Variants in ZBTB20 observed in about 807,000 individuals in gnomAD.
ZBTB20 encodes zinc finger and BTB domain containing 20, also known as zinc finger and BTB domain-containing protein 20.
ZBTB20 carries 9 observed loss-of-function variants against 56.9 expected under a neutral mutation model. The observed-to-expected ratio is 0.16, with a 90% confidence interval of 0.10 to 0.28. ZBTB20 has a LOEUF of 0.28. ZBTB20 is among the 10% of genes least tolerant of loss of function. The probability of loss-of-function intolerance (pLI) is 1.00; values close to 1 mark genes in which losing one functional copy is unlikely to be tolerated. For synonymous variants in ZBTB20, 417 were observed against 420.7 expected, an observed-to-expected ratio of 0.99 and a Z score of 0.11; for missense variants, 655 against 1,003.0, an observed-to-expected ratio of 0.65 and a Z score of 4.69.
At chr3:114,671,714 G>A (rs758390608) in intron 6 of ZBTB20, among the ~76,000 whole-genome samples, 7 of 151,848 alleles carry the variant, frequency 4.6e-5, no homozygotes, top group Non-Finnish European at 1.0e-4. Flanking sequence ...AGAGGCAGAA[G>A]ATAATTTCCA....
chr3:114,880,037 T>C (rs1325933174), intron 4 of ZBTB20, among the ~76,000 whole-genome samples: 3 of 152,250 alleles, frequency 2.0e-5, no homozygotes, highest in Non-Finnish European at 4.4e-5. Flanking sequence ...ACTCCAGGTG[T>C]GCATTTGCCA....
chr3:114,592,516 GA>G (rs1218356061), intron 6 of ZBTB20, among the ~76,000 whole-genome samples: 1 of 152,152 alleles, frequency 6.6e-6, no homozygotes, highest in Non-Finnish European at 1.5e-5. Flanking sequence ...CCTTTTGGCA[GA>G]AAAGAGACAA....
At chr3:114,357,973 T>C (rs1465404082) in intron 10 of ZBTB20, among the ~76,000 whole-genome samples, 1 of 152,236 alleles carries the variant, frequency 6.6e-6, no homozygotes, top group African/African-American at 2.4e-5. Flanking sequence ...ATCTGGATTA[T>C]GACAGACATA....
rs572574364 is a variant in ZBTB20, at chr3:114,750,838, TC to T, written c.-343+50262del. Among the ~76,000 whole-genome samples, 51 of 152,322 alleles carry T rather than the reference TC, an allele frequency of 3.3e-4. No homozygotes were observed. In the East Asian group the frequency reaches 7.1e-3, roughly 21 times the overall value. On this transcript the variant is annotated intron_variant, in intron 5 of 11. Coordinates refer to ENST00000675478, the MANE Select transcript of ZBTB20 (RefSeq NM_001348800.3). ...CAAAATAGGGGTCACCTAAGAGTTT[TC>T]CAAGTTAATTCCCTTTGTCTACTCT... is the stretch of plus-strand genomic sequence containing the variant.
chr3:114,646,562 C>T lies in ZBTB20; in HGVS notation c.-295+46966G>A, dbSNP rs186134288. On this transcript the variant is annotated intron_variant, in intron 6 of 11. Coordinates refer to ENST00000675478, the MANE Select transcript of ZBTB20 (RefSeq NM_001348800.3). ...ATAAAATAAGCCAAAAAAAATCTCT[C>T]TCTTCCAGCTCATTGTATATTGGAG... Among the ~76,000 whole-genome samples, 745 of 152,318 alleles carry T rather than the reference C, an allele frequency of 4.9e-3. 1 individual carries two copies. The highest frequency in any genetic ancestry group is 8.3e-3 in the Non-Finnish European group (563 of 68,030).
intron 3 of ZBTB20, among the ~76,000 whole-genome samples, chr3:114,926,428 T>C (rs2076160527): frequency 6.6e-6 from 1 of 152,220 alleles, no homozygotes; most frequent in Non-Finnish European, 1.5e-5. Context: ...GCTGGTTGTT[T>C]TTTTGGAAGT....
At chr3:114,467,050 G>A (rs1180354734) in intron 7 of ZBTB20, among the ~76,000 whole-genome samples, 1 of 152,174 alleles carries the variant, frequency 6.6e-6, no homozygotes, top group African/African-American at 2.4e-5. Flanking sequence ...TAGGTTTTAG[G>A]CAAGGGAAAC....
rs2693040 is a variant in ZBTB20 at position 114,331,324 on chromosome 3, C to G, written c.*7681G>C. 25 of 152,322 alleles carry G rather than the reference C, an allele frequency of 1.6e-4. No homozygotes were observed. The highest frequency in any genetic ancestry group is 6.0e-4 in the African/African-American group (25 of 41,554). 9.4% of individuals were successfully genotyped at this position (152,322 alleles called of 1,614,324 possible). ...CACCAGTTGAAGACTTCTGTTATAC[C>G]TTATTATGGAGGAAAACAGCCTGTC... On this transcript the variant is annotated 3_prime_UTR_variant, in exon 12 of 12. Coordinates refer to ENST00000675478, the MANE Select transcript of ZBTB20 (RefSeq NM_001348800.3).
At chr3:114,532,535 G>A (rs1428707976) in intron 6 of ZBTB20, among the ~76,000 whole-genome samples, 11 of 152,184 alleles carry the variant, frequency 7.2e-5, no homozygotes, top group Admixed American at 4.6e-4. Flanking sequence ...CAGAGCACCT[G>A]GGGGAAGGGG....
rs139575992 is a variant in ZBTB20, at chr3:114,479,885, G to A, written c.-255+20467C>T. ...ATACTCTCAGCTAAGTAAGAATTGA[G>A]TGAGACAACAATAAAACAAATACCC... On this transcript the variant is annotated intron_variant, in intron 7 of 11. Coordinates refer to ENST00000675478, the MANE Select transcript of ZBTB20 (RefSeq NM_001348800.3). Among the ~76,000 whole-genome samples, 573 of 152,302 alleles carry A rather than the reference G, an allele frequency of 3.8e-3. 1 individual carries two copies. Among genetic ancestry groups the A allele is most frequent in the Non-Finnish European group, 6.2e-3 (419 of 68,026 alleles).
intron 5 of ZBTB20, among the ~76,000 whole-genome samples, chr3:114,787,028 TA>T (rs2070545535): frequency 6.6e-6 from 1 of 152,064 alleles, no homozygotes; most frequent in Non-Finnish European, 1.5e-5. Context: ...TTGCCCAGAC[TA>T]AAGTGCATGA....
At chr3:114,779,703 T>A (rs941349418) in intron 5 of ZBTB20, among the ~76,000 whole-genome samples, 21 of 152,226 alleles carry the variant, frequency 1.4e-4, no homozygotes, top group African/African-American at 4.8e-4. Flanking sequence ...TTTGCTGTGA[T>A]GGAGAAATGG....
chr3:114,754,180 C>A (rs1230337530), intron 5 of ZBTB20, among the ~76,000 whole-genome samples: 1 of 152,160 alleles, frequency 6.6e-6, no homozygotes, highest in Non-Finnish European at 1.5e-5. Flanking sequence ...GAGGCCACTG[C>A]CATTTAGGCT....
intron 6 of ZBTB20, among the ~76,000 whole-genome samples, chr3:114,543,467 C>T (rs1015271856): frequency 1.3e-5 from 2 of 152,122 alleles, no homozygotes; most frequent in Non-Finnish European, 2.9e-5. Flanking sequence ...TTAGAGTTAT[C>T]AGGACTATAT....
chr3:114,759,427 G>C (rs1214627612), intron 5 of ZBTB20, among the ~76,000 whole-genome samples: 4 of 152,100 alleles, frequency 2.6e-5, no homozygotes, highest in Non-Finnish European at 5.9e-5. Flanking sequence ...CCACCAATTT[G>C]TATTCAGATG....
chr3:114,424,878 G>T (rs968994292), intron 7 of ZBTB20, among the ~76,000 whole-genome samples: 1 of 152,054 alleles, frequency 6.6e-6, no homozygotes, highest in Non-Finnish European at 1.5e-5. Flanking sequence ...AAAGCAAACC[G>T]GCCTCTCAGT....
intron 2 of ZBTB20, among the ~76,000 whole-genome samples, chr3:115,013,938 T>G (rs1352739555): frequency 1.4e-5 from 2 of 147,774 alleles, no homozygotes; most frequent in African/African-American, 2.5e-5. Context: ...GTGTGTACAC[T>G]AAAAAGAAAG....
chr3:114,471,875 T>C (rs1379379885), intron 7 of ZBTB20, among the ~76,000 whole-genome samples: 2 of 152,176 alleles, frequency 1.3e-5, no homozygotes, highest in Non-Finnish European at 2.9e-5. Context: ...TAAATTACTT[T>C]AATAAGGTTA....
At chr3:114,397,892 T>G (rs2086473182) in intron 7 of ZBTB20, among the ~76,000 whole-genome samples, 1 of 152,112 alleles carries the variant, frequency 6.6e-6, no homozygotes, top group Admixed American at 6.6e-5. Flanking sequence ...TTCCCCTGGT[T>G]CCAAACTCTT....
Sources: allele counts gnomAD v4.1 joint callset (sites outside exome capture counted in the v4.1 genomes callset), GRCh38; gene constraint gnomAD v4.1.1; transcripts MANE v1.5; gene names NCBI Gene and HGNC (gene_info 2026-07-23, HGNC 2026-07-21).